Variants in KL observed in about 807,000 individuals in gnomAD.
The protein encoded by KL is alpha-klotho.
In KL, 62 loss-of-function variants were observed where a neutral mutation model predicts 84.2. The observed-to-expected ratio is 0.74, with a 90% CI of 0.60 to 0.91. The LOEUF (loss-of-function observed/expected upper bound fraction) is 0.91, where lower values mean the gene tolerates loss of function less well. Ranked by LOEUF, KL falls within the 40% of genes least tolerant of loss-of-function variation. The probability of loss-of-function intolerance (pLI) is 0.00; values close to 1 mark genes in which losing one functional copy is unlikely to be tolerated. For synonymous variants in KL, 528 were observed against 528.0 expected (o/e 1.00, Z 0.00); for missense variants, 1,261 against 1,305.7 (o/e 0.97, Z 0.53).
At position 33,061,723 on chromosome 13, in the gene KL, G is replaced by A. The variant is rs768893979; in HGVS notation, c.2644G>A (p.Glu882Lys). 6.2e-7 allele frequency: 1 copy of A among 1,614,030 alleles called. No individual in the cohort carries two copies. Among genetic ancestry groups the A allele is most frequent in the South Asian group, 1.1e-5 (1 of 91,076 alleles). Reference sequence around the variant, plus strand: ...TGGAATCGATGACGGGCTGCATGCTGAGGACGACCAGCTGAGGGTGTATTA... The same window carrying A: ...TGGAATCGATGACGGGCTGCATGCTAAGGACGACCAGCTGAGGGTGTATTA... Reference protein sequence around the residue: ...SNGIDDGLHAEDDQLRVYYMQ... With the variant: ...SNGIDDGLHAKDDQLRVYYMQ... The change falls in exon 4 of 5, where the codon GAG (glutamate) becomes AAG (lysine). Residue 882 changes from glutamate (E) to lysine (K), a missense_variant. By Grantham distance (56) the Glu-to-Lys change is moderately conservative. Transcript: ENST00000380099.
In KL at chr13:33,062,214, A is replaced by G. The variant is rs149009577; in HGVS notation, c.2701+434A>G. 1.5e-4 allele frequency among the ~76,000 whole-genome samples: 23 copies of G among 152,158 alleles called. No homozygotes were observed. The East Asian group carries it at 4.3e-3, about 28-fold the overall frequency. Reference sequence around the variant, plus strand: ...GGCAACATAGTGAGACCTTGTCTCTACTAAAAATCACAAAAATTAGCTGGG... The same window carrying G: ...GGCAACATAGTGAGACCTTGTCTCTGCTAAAAATCACAAAAATTAGCTGGG... On this transcript the variant is annotated intron_variant, in intron 4 of 4. Transcript: ENST00000380099.
chr13:33,063,578 C>T (rs1872291894), intron 4 of KL, among the ~76,000 whole-genome samples: 1 of 151,976 alleles, frequency 6.6e-6, no homozygotes, highest in South Asian at 2.1e-4. Context: ...CGAGACCATC[C>T]TGGCCAACAT....
At position 33,053,757 on chromosome 13, in the gene KL, C is replaced by G. The variant is rs1871839874; in HGVS notation, c.820-10C>G. 1.2e-6 allele frequency: 2 copies of G among 1,613,652 alleles called. No individual in the cohort carries two copies. The highest frequency in any genetic ancestry group is 8.5e-7 in the Non-Finnish European group (1 of 1,179,812). On this transcript the variant is annotated splice_polypyrimidine_tract_variant and intron_variant, in intron 1 of 4. Coordinates refer to ENST00000380099, the MANE Select transcript of KL (RefSeq NM_004795.4). ...TAGAGATAAATTTGCCATGGTTTTT[C>G]TCTTCATAGGCTCATGCCAAAGTCT...
At chr13:33,040,324 T>A (rs1871293561) in intron 1 of KL, among the ~76,000 whole-genome samples, 1 of 152,230 alleles carries the variant, frequency 6.6e-6, no homozygotes, top group African/African-American at 2.4e-5. Context: ...TAGCAGTGAC[T>A]TTTAAGGAAG....
chr13:33,064,954 G>A lies in KL; in HGVS notation c.*768G>A, dbSNP rs542202006. 3.9e-5 allele frequency: 9 copies of A among 228,264 alleles called. No homozygotes were observed. The Admixed American group carries it at 4.5e-4, about 12-fold the overall frequency. 14.1% of individuals were successfully genotyped at this position (228,264 alleles called of 1,614,324 possible). A position where few individuals can be genotyped will look rare whatever the true frequency, so the allele number is the denominator to read the frequency against. On this transcript the variant is annotated 3_prime_UTR_variant, in exon 5 of 5. Transcript: ENST00000380099. ...ACAAACATGAATCCTGTGATATTGG[G>A]CTCTTCAGGAAGCATAAAGCAATTG...
intron 1 of KL, among the ~76,000 whole-genome samples, chr13:33,051,775 A>T (rs1433830601): frequency 6.6e-6 from 1 of 152,106 alleles, no homozygotes; most frequent in African/African-American, 2.4e-5. Flanking sequence ...TCACTCTTTC[A>T]TTCCCTGTTC....
chr13:33,024,332 C>T (rs891210835), intron 1 of KL, among the ~76,000 whole-genome samples: 2 of 152,184 alleles, frequency 1.3e-5, no homozygotes, highest in African/African-American at 4.8e-5. Flanking sequence ...GAACAGGTGG[C>T]TCTGTCTTCT....
chr13:33,045,196 T>C (rs1455770254), intron 1 of KL, among the ~76,000 whole-genome samples: 1 of 152,250 alleles, frequency 6.6e-6, no homozygotes, highest in East Asian at 1.9e-4. Context: ...TGTGTGTTGA[T>C]CTTGTACCTT....
intron 4 of KL, 146 bp from the exon 5 acceptor site, chr13:33,063,703 G>A: frequency 1.3e-6 from 1 of 741,262 alleles, no homozygotes; most frequent in Non-Finnish European, 2.4e-6. Flanking sequence ...GTTGAACCTG[G>A]GAGGCGGAGG....
chr13:33,025,075 T>C (rs1017501100), intron 1 of KL, among the ~76,000 whole-genome samples: 1 of 152,222 alleles, frequency 6.6e-6, no homozygotes, highest in African/African-American at 2.4e-5. Context: ...TAAGGTAAGA[T>C]TCCTGCCCTC....
intron 1 of KL, among the ~76,000 whole-genome samples, chr13:33,018,331 C>A (rs1870447784): frequency 6.6e-6 from 1 of 152,200 alleles, no homozygotes; most frequent in African/African-American, 2.4e-5. Context: ...ATATTCTGAA[C>A]AAAGTCAGTA....
intron 1 of KL, among the ~76,000 whole-genome samples, chr13:33,025,323 T>G (rs572368741): frequency 6.6e-6 from 1 of 152,322 alleles, no homozygotes; most frequent in East Asian, 1.9e-4. Flanking sequence ...CAGTGTCTGT[T>G]GCAACTATTA....
chr13:33,054,221 G>A lies in KL; in HGVS notation c.1274G>A (p.Arg425Lys). Reference protein sequence around the residue: ...NGWFVSGTTKRDDAKYMYYLK... With the variant: ...NGWFVSGTTKKDDAKYMYYLK... Reference sequence around the variant, plus strand: ...TGGTTTGTCTCAGGGACCACCAAGAGAGATGATGCCAAATATATGTATTAC... The same window carrying A: ...TGGTTTGTCTCAGGGACCACCAAGAAAGATGATGCCAAATATATGTATTAC... Residue 425 changes from arginine (R) to lysine (K), a missense_variant, in exon 2 of 5, where the codon AGA becomes AAA. Physicochemically the swap from Arg to Lys is conservative, Grantham distance 26. Coordinates refer to ENST00000380099, the MANE Select transcript of KL (RefSeq NM_004795.4). 3 of 1,613,638 alleles carry A rather than the reference G, an allele frequency of 1.9e-6. No homozygotes were observed. Among genetic ancestry groups the A allele is most frequent in the African/African-American group, 2.7e-5 (2 of 74,928 alleles).
At chr13:33,020,523 G>GTCTA (rs1454550142) in intron 1 of KL, among the ~76,000 whole-genome samples, 2 of 149,994 alleles carry the variant, frequency 1.3e-5, no homozygotes, top group Non-Finnish European at 3.0e-5. Flanking sequence ...CCACGTGGAT[G>GTCTA]TCTAATGGGC....
intron 1 of KL, among the ~76,000 whole-genome samples, chr13:33,037,226 A>G (rs1169243768): frequency 6.6e-6 from 1 of 152,214 alleles, no homozygotes; most frequent in Non-Finnish European, 1.5e-5. Context: ...CTTAGCACTT[A>G]TATATCCAAC....
chr13:33,042,904 A>C (rs1383484368), intron 1 of KL, among the ~76,000 whole-genome samples: 1 of 152,110 alleles, frequency 6.6e-6, no homozygotes, highest in African/African-American at 2.4e-5. Flanking sequence ...CTGGTCTCGA[A>C]GTCCTGACCT....
chr13:33,044,635 A>ATTTTTT (rs1871453892), intron 1 of KL, among the ~76,000 whole-genome samples: 5 of 72,282 alleles, frequency 6.9e-5, no homozygotes, highest in African/African-American at 1.3e-4. Flanking sequence ...AATGCAATTG[A>ATTTTTT]TTTTCTTTTT....
chr13:33,035,584 T>A (rs1871124514), intron 1 of KL, among the ~76,000 whole-genome samples: 1 of 152,006 alleles, frequency 6.6e-6, no homozygotes, highest in Non-Finnish European at 1.5e-5. Flanking sequence ...GTTCCTTATC[T>A]TCTTGTCTCT....
At chr13:33,061,897 TTTGTG>T in intron 4 of KL, 117 bp downstream of exon 4, 1 of 1,071,468 alleles carries the variant, frequency 9.3e-7, no homozygotes, top group Non-Finnish European at 1.4e-6. Flanking sequence ...GGCTATCCAT[TTTGTG>T]CCTCACTGAA....
Sources: gnomAD v4.1 joint callset for allele counts (sites outside exome capture counted in the v4.1 genomes callset) on GRCh38, gnomAD v4.1.1 for gene constraint, MANE v1.5 for transcripts, NCBI Gene and HGNC (gene_info 2026-07-23, HGNC 2026-07-21) for gene names.